MED27: variants seen among roughly 807,000 people sequenced by gnomAD.
The protein encoded by MED27 is mediator of RNA polymerase II transcription subunit 27.
In MED27, 30 loss-of-function variants were observed where a neutral mutation model predicts 38.2. The observed-to-expected ratio is 0.79, with a 90% CI of 0.59 to 1.07. The LOEUF (loss-of-function observed/expected upper bound fraction) is 1.07. Among genes scored for constraint, MED27 ranks in the 50% least tolerant of loss-of-function variants. The probability of loss-of-function intolerance (pLI) is 0.00; values close to 1 mark genes in which losing one functional copy is unlikely to be tolerated. For missense variants in MED27, 289 were observed against 397.5 expected (o/e 0.73, Z 2.32); for synonymous variants, 122 against 153.5 (o/e 0.79, Z 1.52).
chr9:131,875,858 C>A (rs1214083704), intron 6 of MED27, among the ~76,000 whole-genome samples: 1 of 152,228 alleles, frequency 6.6e-6, no homozygotes, highest in Admixed American at 6.5e-5. Flanking sequence ...TGATCCTCTG[C>A]CTCGGCCTCC....
At chr9:131,897,547 T>C (rs182982124) in intron 4 of MED27, among the ~76,000 whole-genome samples, 1 of 152,334 alleles carries the variant, frequency 6.6e-6, no homozygotes, top group East Asian at 1.9e-4. Flanking sequence ...TATGTGCTTT[T>C]GGAACCCTTT....
In MED27 at chr9:131,930,821, T is replaced by C. The variant is rs183922148; in HGVS notation, c.573+8560A>G. 1.0e-3 allele frequency among the ~76,000 whole-genome samples: 153 copies of C among 152,222 alleles called. No homozygotes were observed. In the Middle Eastern group the frequency reaches 0.024, roughly 24 times the overall value. ...ACTTTTCAAGATATAGGTAGTACAA[T>C]AGGACATAAAGAAAAACAACCAAAA... is the stretch of plus-strand genomic sequence containing the variant. On this transcript the variant is annotated intron_variant, in intron 4 of 7. Coordinates refer to ENST00000292035, the MANE Select transcript of MED27 (RefSeq NM_004269.4).
chr9:131,873,960 G>A (rs1838879348), intron 6 of MED27, among the ~76,000 whole-genome samples: 1 of 152,166 alleles, frequency 6.6e-6, no homozygotes, highest in Admixed American at 6.5e-5. Flanking sequence ...CTGGACCCTT[G>A]AGTGCAGACT....
chr9:132,002,741 G>A (rs1387395143), intron 3 of MED27, among the ~76,000 whole-genome samples: 1 of 151,870 alleles, frequency 6.6e-6, no homozygotes, highest in Non-Finnish European at 1.5e-5. Flanking sequence ...GTGAAACCCC[G>A]TCTCTACTAA....
chr9:132,063,912 G>T (rs1446876899), intron 2 of MED27, among the ~76,000 whole-genome samples: 1 of 152,194 alleles, frequency 6.6e-6, no homozygotes, highest in Non-Finnish European at 1.5e-5. Context: ...GAAGAAACTT[G>T]GAGAGGATCT....
chr9:132,077,897 A>G (rs1834088995), intron 1 of MED27, among the ~76,000 whole-genome samples: 2 of 152,166 alleles, frequency 1.3e-5, no homozygotes, highest in African/African-American at 4.8e-5. Flanking sequence ...TGGGGAGGAG[A>G]CTTTCTGGAA....
At position 131,996,383 on chromosome 9, in the gene MED27, G is replaced by A. The variant is rs76874286; in HGVS notation, c.479+17954C>T. On this transcript the variant is annotated intron_variant, in intron 3 of 7. Coordinates refer to ENST00000292035, the MANE Select transcript of MED27 (RefSeq NM_004269.4). ...TGCCACTATGGGAGCCACTGGAGCC[G>A]GCAGAGGTCACAGCTAAGGGTGAGC... is the stretch of plus-strand genomic sequence containing the variant. 2.1e-3 allele frequency among the ~76,000 whole-genome samples: 324 copies of A among 152,250 alleles called. 1 individual carries two copies. Among genetic ancestry groups the A allele is most frequent in the African/African-American group, 7.5e-3 (313 of 41,544 alleles).
intron 2 of MED27, among the ~76,000 whole-genome samples, chr9:132,063,334 C>T (rs1564345795): frequency 6.6e-6 from 1 of 152,162 alleles, no homozygotes; most frequent in African/African-American, 2.4e-5. Context: ...CCCATCACTA[C>T]GTGACTGAGA....
At chr9:131,876,021 G>GTCTC (rs1838925543) in intron 6 of MED27, among the ~76,000 whole-genome samples, 1 of 152,216 alleles carries the variant, frequency 6.6e-6, no homozygotes, top group African/African-American at 2.4e-5. Flanking sequence ...CTGCTATGTG[G>GTCTC]TCTCTCTCTG....
chr9:131,861,531 G>A lies in MED27; in HGVS notation c.802-859C>T, dbSNP rs2034983025. On this transcript the variant is annotated intron_variant, in intron 7 of 7. Coordinates refer to ENST00000292035, the MANE Select transcript of MED27 (RefSeq NM_004269.4). The surrounding 1 kb of genome is among the most constrained non-coding windows in gnomAD (Gnocchi z 4.4). The stretch of plus-strand genomic sequence containing the variant: ...GCTGCCTTCATGGTGACAGGGCATG[G>A]CCCATCAGTACTGTCCCCCTTTCCA... Among the ~76,000 whole-genome samples the A allele has an allele frequency of 6.6e-6, 1 of 152,164 alleles. No homozygotes were observed. The highest frequency in any genetic ancestry group is 6.5e-5 in the Admixed American group (1 of 15,280).
chr9:131,942,099 A>G (rs890470545), intron 3 of MED27, among the ~76,000 whole-genome samples: 4 of 152,080 alleles, frequency 2.6e-5, no homozygotes, highest in African/African-American at 9.7e-5. Context: ...TGCTGGGATT[A>G]CAGGCGTGAA....
At chr9:131,948,748 T>G (rs894974985) in intron 3 of MED27, among the ~76,000 whole-genome samples, 4 of 152,186 alleles carry the variant, frequency 2.6e-5, no homozygotes, top group Non-Finnish European at 5.9e-5. Flanking sequence ...AACTCAACAC[T>G]TAGGCAGGCA....
At chr9:131,908,905 AGAATGCCTAACGTCCTGG>A (rs1830135334) in intron 4 of MED27, among the ~76,000 whole-genome samples, 1 of 152,058 alleles carries the variant, frequency 6.6e-6, no homozygotes, top group South Asian at 2.1e-4. Flanking sequence ...CTTTAATAAA[AGAATGCCTAACGTCCTGG>A]GAATGCAGCC....
chr9:132,023,038 G>A (rs1240101507), intron 2 of MED27, among the ~76,000 whole-genome samples: 1 of 152,176 alleles, frequency 6.6e-6, no homozygotes. Context: ...CTTAGGCCTA[G>A]TAAAAGTTGA....
intron 2 of MED27, among the ~76,000 whole-genome samples, chr9:132,034,125 A>G (rs555474002): frequency 6.6e-6 from 1 of 152,338 alleles, no homozygotes; most frequent in African/African-American, 2.4e-5. Flanking sequence ...ACATATGGGA[A>G]TAAAGAATGT....
At chr9:131,965,274 G>C (rs748782027) in intron 3 of MED27, among the ~76,000 whole-genome samples, 1 of 152,196 alleles carries the variant, frequency 6.6e-6, no homozygotes, top group Non-Finnish European at 1.5e-5. Flanking sequence ...TCACAGAGTT[G>C]AAACATACCA....
chr9:131,971,396 C>T (rs950201506), intron 3 of MED27, among the ~76,000 whole-genome samples: 4 of 152,082 alleles, frequency 2.6e-5, no homozygotes, highest in Admixed American at 1.3e-4. Context: ...GATGAGGCAG[C>T]GGAGCCAGGA....
chr9:132,014,257 AACTTTCC>A (rs1227394089), intron 3 of MED27, 73 bp downstream of exon 3: 2 of 1,428,532 alleles, frequency 1.4e-6, no homozygotes, highest in African/African-American at 2.9e-5. Context: ...AGAAAACAGT[AACTTTCC>A]ACTACCCAAA....
chr9:131,980,979 A>C (rs1831723508), intron 3 of MED27, among the ~76,000 whole-genome samples: 1 of 152,216 alleles, frequency 6.6e-6, no homozygotes, highest in Admixed American at 6.5e-5. Flanking sequence ...ACATCTTTAA[A>C]GCAAGGATTA....
Sources: allele counts gnomAD v4.1 joint callset (sites outside exome capture counted in the v4.1 genomes callset), GRCh38; gene constraint gnomAD v4.1.1; non-coding constraint Gnocchi (gnomAD v3.1); transcripts MANE v1.5; gene names NCBI Gene and HGNC (gene_info 2026-07-23, HGNC 2026-07-21).